Variants in SLC2A13 observed in about 807,000 individuals in gnomAD.
The protein encoded by SLC2A13 is proton myo-inositol cotransporter.
Under a neutral mutation model 64.4 loss-of-function variants are expected in SLC2A13, and 32 were observed. That is an observed-to-expected ratio of 0.50 (90% CI 0.37 to 0.67). SLC2A13 has a LOEUF of 0.67. Among genes scored for constraint, SLC2A13 ranks in the 30% least tolerant of loss-of-function variants. The pLI, the probability that SLC2A13 is intolerant of heterozygous loss-of-function variation, is 0.00. For missense variants in SLC2A13, 743 were observed against 829.2 expected (o/e 0.90, Z 1.28); for synonymous variants, 338 against 327.1 (o/e 1.03, Z -0.36).
At chr12:40,006,983 TG>T (rs956444388) in intron 3 of SLC2A13, among the ~76,000 whole-genome samples, 3 of 152,240 alleles carry the variant, frequency 2.0e-5, no homozygotes, top group African/African-American at 7.2e-5. Context: ...TTTCCAGCAA[TG>T]GGTCACTAAT....
chr12:39,934,200 T>TA (rs1164074409), intron 4 of SLC2A13, among the ~76,000 whole-genome samples: 1 of 152,154 alleles, frequency 6.6e-6, no homozygotes, highest in Non-Finnish European at 1.5e-5. Flanking sequence ...GTCTTGGGGA[T>TA]AAAAAATGAA....
chr12:39,922,595 C>T (rs1246895012), intron 4 of SLC2A13, among the ~76,000 whole-genome samples: 1 of 152,170 alleles, frequency 6.6e-6, no homozygotes, highest in Non-Finnish European at 1.5e-5. Context: ...CATTTAAGCC[C>T]TGGGGAATCA....
chr12:39,826,872 T>TG (rs1942698900), intron 7 of SLC2A13, among the ~76,000 whole-genome samples: 1 of 145,886 alleles, frequency 6.9e-6, no homozygotes, highest in Admixed American at 6.9e-5. Flanking sequence ...TTTTTTTTTT[T>TG]GCAATGCAAG....
intron 4 of SLC2A13, among the ~76,000 whole-genome samples, chr12:39,915,653 AT>A (rs879623150): frequency 4.3e-4 from 63 of 147,936 alleles, no homozygotes; most frequent in Admixed American, 4.7e-4. Flanking sequence ...ATGACACAGG[AT>A]TTTTTTTTTT....
chr12:40,094,174 G>T (rs772587274), intron 1 of SLC2A13, among the ~76,000 whole-genome samples: 1 of 152,170 alleles, frequency 6.6e-6, no homozygotes, highest in Non-Finnish European at 1.5e-5. Context: ...AAGGCTTTTG[G>T]TGCAAGCCCC....
At chr12:40,002,036 G>T (rs768051062) in intron 3 of SLC2A13, among the ~76,000 whole-genome samples, 1 of 152,144 alleles carries the variant, frequency 6.6e-6, no homozygotes, top group African/African-American at 2.4e-5. Context: ...TTTTCACTAG[G>T]CTGTAAACAT....
chr12:39,830,024 G>A, intron 7 of SLC2A13, 79 bp downstream of exon 7: 1 of 1,568,292 alleles, frequency 6.4e-7, no homozygotes, highest in Non-Finnish European at 8.7e-7. Context: ...TGCTATAAGT[G>A]CAAGCACTCT....
intron 4 of SLC2A13, among the ~76,000 whole-genome samples, chr12:39,943,800 C>T (rs912572181): frequency 2.6e-5 from 4 of 152,196 alleles, no homozygotes; most frequent in African/African-American, 9.7e-5. Context: ...TATGCTTTTC[C>T]CACGGTCTTT....
At chr12:39,779,500 A>G (rs985715445) in intron 7 of SLC2A13, among the ~76,000 whole-genome samples, 4 of 152,362 alleles carry the variant, frequency 2.6e-5, no homozygotes, top group East Asian at 3.9e-4. Flanking sequence ...CCCAGGCGTC[A>G]TAGGCCAGCA....
chr12:39,893,881 A>G (rs1235977137), intron 4 of SLC2A13, among the ~76,000 whole-genome samples: 1 of 152,234 alleles, frequency 6.6e-6, no homozygotes, highest in Non-Finnish European at 1.5e-5. Context: ...CACAATCCAT[A>G]TGAAATTGAA....
At chr12:40,035,018 A>AT (rs567449438) in intron 2 of SLC2A13, among the ~76,000 whole-genome samples, 2 of 152,158 alleles carry the variant, frequency 1.3e-5, no homozygotes, top group South Asian at 4.1e-4. Flanking sequence ...ACAGTGAAAC[A>AT]TTTTCCCCTT....
chr12:39,839,495 G>A (rs1376145313), intron 6 of SLC2A13, among the ~76,000 whole-genome samples: 3 of 152,074 alleles, frequency 2.0e-5, no homozygotes, highest in African/African-American at 4.8e-5. Flanking sequence ...GAGATTGCTG[G>A]TGGTTGTCTC....
Position 39,829,983 on chromosome 12 carries a change from A to G in SLC2A13, c.1445+120T>C, listed in dbSNP as rs1320742167. 2.5e-6 allele frequency: 3 copies of G among 1,212,980 alleles called. No homozygotes were observed. In the East Asian group the frequency reaches 7.6e-5, roughly 31 times the overall value. 75.1% of individuals were successfully genotyped at this position (1,212,980 alleles called of 1,614,324 possible). On this transcript the variant is annotated intron_variant, in intron 7 of 9. Coordinates refer to ENST00000280871, the MANE Select transcript of SLC2A13 (RefSeq NM_052885.4). Reference sequence around the variant, plus strand: ...CTATCACCAGTATATGCTGCAAAGTAATGTAGTTATGAAGGCCAGTTTAAA... The same window carrying G: ...CTATCACCAGTATATGCTGCAAAGTGATGTAGTTATGAAGGCCAGTTTAAA...
chr12:39,864,655 G>T, intron 6 of SLC2A13, 107 bp downstream of exon 6: 4 of 1,431,988 alleles, frequency 2.8e-6, no homozygotes, highest in Non-Finnish European at 2.8e-6. Flanking sequence ...ACATAAGCCT[G>T]GATGCCCAGC....
chr12:39,949,561 G>A (rs1946193751), intron 4 of SLC2A13: 1 of 152,126 alleles, frequency 6.6e-6, no homozygotes, highest in African/African-American at 2.4e-5. Context: ...TACTGCTAAT[G>A]GATTATGACA....
At chr12:39,824,854 A>T (rs1168048119) in intron 7 of SLC2A13, among the ~76,000 whole-genome samples, 1 of 152,194 alleles carries the variant, frequency 6.6e-6, no homozygotes, top group African/African-American at 2.4e-5. Flanking sequence ...CAAAAAAAAT[A>T]AAATAGACTT....
At chr12:39,866,999 C>A (rs954973212) in intron 5 of SLC2A13, among the ~76,000 whole-genome samples, 1 of 152,042 alleles carries the variant, frequency 6.6e-6, no homozygotes, top group African/African-American at 2.4e-5. Flanking sequence ...AAATTCAAAC[C>A]AGAACTAGGA....
At chr12:39,869,489 T>C (rs886379568) in intron 5 of SLC2A13, among the ~76,000 whole-genome samples, 1 of 152,152 alleles carries the variant, frequency 6.6e-6, no homozygotes, top group African/African-American at 2.4e-5. Flanking sequence ...GGAAATCAAA[T>C]AGACTGTGTC....
At chr12:39,995,410 C>CCA (rs1947210198) in intron 3 of SLC2A13, among the ~76,000 whole-genome samples, 1 of 152,134 alleles carries the variant, frequency 6.6e-6, no homozygotes. Context: ...ATTTCCCCTC[C>CCA]CCGCTACCCT....
Sources: gnomAD v4.1 joint callset for allele counts (sites outside exome capture counted in the v4.1 genomes callset) on GRCh38, gnomAD v4.1.1 for gene constraint, MANE v1.5 for transcripts, NCBI Gene and HGNC (gene_info 2026-07-23, HGNC 2026-07-21) for gene names.